The following TPH2 variants were observed in gnomAD, a reference collection of about 807,000 sequenced individuals.
The protein encoded by TPH2 is tryptophan hydroxylase 2.
TPH2 carries 27 observed loss-of-function variants against 59.1 expected under a neutral mutation model. That is an observed-to-expected ratio of 0.46 (90% CI 0.34 to 0.63). TPH2 has a LOEUF of 0.63. Ranked by LOEUF, TPH2 falls within the 30% of genes least tolerant of loss-of-function variation. TPH2 has a pLI of 0.01. For synonymous variants in TPH2, 220 were observed against 210.5 expected (o/e 1.05, Z -0.39); for missense variants, 523 against 588.3 (o/e 0.89, Z 1.15).
chr12:71,972,494 A>G, intron 5 of TPH2, 25 bp from the exon 6 acceptor site: 8 of 1,611,508 alleles, frequency 5.0e-6, no homozygotes, highest in Non-Finnish European at 6.8e-6. Context: ...AGTTAGATTC[A>G]TTTAGTTTCT....
At chr12:72,028,451 G>T (rs1308917200) in intron 9 of TPH2, among the ~76,000 whole-genome samples, 1 of 152,164 alleles carries the variant, frequency 6.6e-6, no homozygotes, top group African/African-American at 2.4e-5. Context: ...TGGAATCAAA[G>T]ACATGGATGC....
intron 8 of TPH2, among the ~76,000 whole-genome samples, chr12:71,997,611 C>T (rs139749819): frequency 1.6e-3 from 248 of 152,188 alleles, no homozygotes; most frequent in Admixed American, 2.7e-3. Flanking sequence ...AACATTAGGC[C>T]ATTAATCATG....
chr12:72,012,835 C>T (rs1353390781), intron 8 of TPH2, among the ~76,000 whole-genome samples: 1 of 151,950 alleles, frequency 6.6e-6, no homozygotes, highest in Non-Finnish European at 1.5e-5. Flanking sequence ...CCATTAAAGG[C>T]TGGTATAGGA....
intron 5 of TPH2, among the ~76,000 whole-genome samples, chr12:71,951,873 A>C (rs566886238): frequency 6.6e-6 from 1 of 152,256 alleles, no homozygotes; most frequent in East Asian, 1.9e-4. Context: ...TGAATATACA[A>C]AATTAACCAG....
intron 5 of TPH2, among the ~76,000 whole-genome samples, chr12:71,958,177 G>C (rs1410376196): frequency 6.6e-6 from 1 of 152,168 alleles, no homozygotes; most frequent in African/African-American, 2.4e-5. Flanking sequence ...CTCTGAAATG[G>C]AGCAGTAAAT....
chr12:71,996,314 G>A (rs1872694421), intron 8 of TPH2, among the ~76,000 whole-genome samples: 1 of 152,230 alleles, frequency 6.6e-6, no homozygotes, highest in Non-Finnish European at 1.5e-5. Context: ...TTGATCAGAT[G>A]CTGTTCACAT....
At chr12:71,945,069 G>A (rs2139179642) in intron 4 of TPH2, among the ~76,000 whole-genome samples, 1 of 152,274 alleles carries the variant, frequency 6.6e-6, no homozygotes, top group African/African-American at 2.4e-5. Flanking sequence ...GGCTCAGTGA[G>A]AGAATAAAAT....
rs745388669 is a variant in TPH2 at position 72,031,745 on chromosome 12, A to G, written c.*50A>G. 3.7e-6 allele frequency: 6 copies of G among 1,608,078 alleles called. No homozygotes were observed. The highest frequency in any genetic ancestry group is 5.1e-6 in the Non-Finnish European group (6 of 1,175,018). On this transcript the variant is annotated 3_prime_UTR_variant, in exon 11 of 11. Coordinates refer to ENST00000333850, the MANE Select transcript of TPH2 (RefSeq NM_173353.4). The stretch of plus-strand genomic sequence containing the variant: ...CATGATCTTTTTGGGGCTTAGCAGC[A>G]GTTCAGTCAATGTCATATAACGCAA...
At chr12:72,014,897 T>C (rs1252239017) in intron 8 of TPH2, among the ~76,000 whole-genome samples, 1 of 152,202 alleles carries the variant, frequency 6.6e-6, no homozygotes, top group Admixed American at 6.5e-5. Context: ...GGGACCTCCA[T>C]AGTTTAAGCA....
At chr12:71,943,090 G>A (rs892126405) in intron 2 of TPH2, among the ~76,000 whole-genome samples, 2 of 152,190 alleles carry the variant, frequency 1.3e-5, no homozygotes, top group African/African-American at 2.4e-5. Context: ...CACAATGTAT[G>A]TGAAGTCTAT....
chr12:71,960,267 A>T (rs544397421), intron 5 of TPH2, among the ~76,000 whole-genome samples: 1 of 152,190 alleles, frequency 6.6e-6, no homozygotes, highest in Non-Finnish European at 1.5e-5. Flanking sequence ...TCTCTGCCCA[A>T]GATGCCACGT....
intron 2 of TPH2, among the ~76,000 whole-genome samples, chr12:71,943,231 G>A (rs1871120472): frequency 1.3e-5 from 2 of 152,174 alleles, no homozygotes; most frequent in Non-Finnish European, 2.9e-5. Flanking sequence ...TCTTTATATA[G>A]GAGAGGGTGC....
chr12:72,012,710 C>A (rs571726489), intron 8 of TPH2, among the ~76,000 whole-genome samples: 1 of 152,248 alleles, frequency 6.6e-6, no homozygotes, highest in Non-Finnish European at 1.5e-5. Flanking sequence ...TGTGGGCCAA[C>A]TCCTTGGGTG....
intron 4 of TPH2, among the ~76,000 whole-genome samples, chr12:71,946,633 G>T (rs1871204328): frequency 6.6e-6 from 1 of 152,084 alleles, no homozygotes. Context: ...TGTGATATTG[G>T]CAAATTGGTG....
At position 71,949,673 on chromosome 12, in the gene TPH2, T is replaced by A. The variant is rs1251216007; in HGVS notation, c.608+18T>A. ...TATAAATAGTAAGTACCTGTATAAC[T>A]CTTTCTTGTCACTGGCTAGTTAGGA... On this transcript the variant is annotated intron_variant, in intron 5 of 10. Coordinates refer to ENST00000333850, the MANE Select transcript of TPH2 (RefSeq NM_173353.4). The A allele has an allele frequency of 6.3e-7, 1 of 1,597,376 alleles. No individual in the cohort carries two copies. The highest frequency in any genetic ancestry group is 8.6e-7 in the Non-Finnish European group (1 of 1,165,072).
intron 5 of TPH2, among the ~76,000 whole-genome samples, chr12:71,968,127 G>A (rs1236177498): frequency 6.6e-6 from 1 of 152,166 alleles, no homozygotes; most frequent in African/African-American, 2.4e-5. Flanking sequence ...ACTCACCCTG[G>A]TTCTGACAAA....
chr12:71,990,295 C>T (rs1308979631), intron 7 of TPH2, among the ~76,000 whole-genome samples: 1 of 152,178 alleles, frequency 6.6e-6, no homozygotes, highest in African/African-American at 2.4e-5. Context: ...GTAGGGATCT[C>T]AAACTACTTT....
intron 7 of TPH2, among the ~76,000 whole-genome samples, chr12:71,985,296 A>C (rs1433390741): frequency 6.6e-6 from 1 of 152,186 alleles, no homozygotes; most frequent in African/African-American, 2.4e-5. Flanking sequence ...AAACAAAAAT[A>C]CTCAAAACTT....
chr12:71,938,926 A>G lies in TPH2; in HGVS notation c.-61A>G. 8 of 1,413,458 alleles carry G rather than the reference A, an allele frequency of 5.7e-6. No homozygotes were observed. Among genetic ancestry groups the G allele is most frequent in the Non-Finnish European group, 7.0e-6 (7 of 999,952 alleles). The allele number at this position is 1,413,458 out of a possible 1,614,324, so 87.6% of individuals were successfully genotyped here. A position where few individuals can be genotyped will look rare whatever the true frequency, so the allele number is the denominator to read the frequency against. ...ACGCCCCTTCCTCTCAATCTCCGCC[A>G]GCGCTGCTACTGCCCCTCTAGTACC... On this transcript the variant is annotated 5_prime_UTR_variant, in exon 1 of 11. Coordinates refer to ENST00000333850, the MANE Select transcript of TPH2 (RefSeq NM_173353.4).
Sources: gnomAD v4.1 joint callset for allele counts (sites outside exome capture counted in the v4.1 genomes callset) on GRCh38, gnomAD v4.1.1 for gene constraint, MANE v1.5 for transcripts, NCBI Gene and HGNC (gene_info 2026-07-23, HGNC 2026-07-21) for gene names.